SLC25A26: variants seen among roughly 807,000 people sequenced by gnomAD.
SLC25A26 encodes the protein solute carrier family 25 member 26, also known as mitochondrial S-adenosylmethionine carrier protein.
Under a neutral mutation model 37.8 loss-of-function variants are expected in SLC25A26, and 36 were observed. That is an observed-to-expected ratio of 0.95 (90% CI 0.73 to 1.26). The LOEUF (loss-of-function observed/expected upper bound fraction) is 1.26. Ranked by LOEUF, SLC25A26 falls within the 50% of genes most tolerant of loss-of-function variation. The probability of loss-of-function intolerance (pLI) is 0.00; values close to 1 mark genes in which losing one functional copy is unlikely to be tolerated. For missense variants in SLC25A26, 390 were observed against 331.1 expected (o/e 1.18, Z -1.38); for synonymous variants, 129 against 122.5 (o/e 1.05, Z -0.35).
intron 2 of SLC25A26, among the ~76,000 whole-genome samples, chr3:66,237,172 T>G (rs138215920): frequency 6.6e-6 from 1 of 152,182 alleles, no homozygotes; most frequent in Non-Finnish European, 1.5e-5. Context: ...GATAGTGTTA[T>G]AGATTCCATT....
intron 1 of SLC25A26, among the ~76,000 whole-genome samples, chr3:66,157,233 C>T (rs1258658815): frequency 6.6e-6 from 1 of 151,974 alleles, no homozygotes; most frequent in African/African-American, 2.4e-5. Flanking sequence ...GACCCTGTCT[C>T]AAAAGAGAAG....
intron 1 of SLC25A26, among the ~76,000 whole-genome samples, chr3:66,144,342 G>A (rs1453790443): frequency 1.3e-5 from 2 of 152,114 alleles, no homozygotes; most frequent in Non-Finnish European, 2.9e-5. Context: ...GAAGATTTGG[G>A]CCTCTTTTTT....
intron 1 of SLC25A26, among the ~76,000 whole-genome samples, chr3:66,222,872 G>A (rs1472337974): frequency 2.0e-5 from 3 of 152,188 alleles, no homozygotes; most frequent in Non-Finnish European, 4.4e-5. Context: ...CTTAATTAAA[G>A]TATGATACAC....
At chr3:66,210,698 A>C (rs886380125) in intron 1 of SLC25A26, among the ~76,000 whole-genome samples, 13 of 152,106 alleles carry the variant, frequency 8.5e-5, no homozygotes, top group Non-Finnish European at 1.5e-4. Context: ...TTTATTTGTA[A>C]AGATGGGCTT....
chr3:66,268,057 TTGC>T (rs777331276), intron 5 of SLC25A26, among the ~76,000 whole-genome samples: 34 of 152,254 alleles, frequency 2.2e-4, no homozygotes, highest in Admixed American at 4.6e-4. Flanking sequence ...GTATTTTTTG[TTGC>T]TGCTTTCTAA....
chr3:66,208,688 ATGGG>A (rs2071214573), intron 1 of SLC25A26, among the ~76,000 whole-genome samples: 2 of 144,052 alleles, frequency 1.4e-5, no homozygotes, highest in Admixed American at 7.4e-5. Flanking sequence ...ACACATTTAT[ATGGG>A]TATATATATA....
intron 9 of SLC25A26, chr3:66,371,528 A>C (rs1700343294): frequency 3.1e-6 from 4 of 1,277,550 alleles, no homozygotes; most frequent in Non-Finnish European, 4.0e-6. Context: ...GAATGTGACA[A>C]CTCTGAGGGA....
chr3:66,206,126 A>G (rs2071173166), intron 1 of SLC25A26, among the ~76,000 whole-genome samples: 1 of 152,158 alleles, frequency 6.6e-6, no homozygotes, highest in Non-Finnish European at 1.5e-5. Context: ...CAAACTTCCC[A>G]TGGTGCAAGA....
At chr3:66,353,606 T>C (rs1161616249) in intron 6 of SLC25A26, among the ~76,000 whole-genome samples, 1 of 152,244 alleles carries the variant, frequency 6.6e-6, no homozygotes, top group African/African-American at 2.4e-5. Flanking sequence ...AGTCAGCTCA[T>C]TGAAGGCATT....
intron 7 of SLC25A26, among the ~76,000 whole-genome samples, chr3:66,364,460 G>A (rs531410180): frequency 5.9e-5 from 9 of 152,118 alleles, no homozygotes; most frequent in East Asian, 1.9e-4. Flanking sequence ...AGGTGCCCAC[G>A]GCTACACATC....
At chr3:66,277,187 G>A (rs2074181438) in intron 5 of SLC25A26, among the ~76,000 whole-genome samples, 1 of 152,020 alleles carries the variant, frequency 6.6e-6, no homozygotes, top group South Asian at 2.1e-4. Context: ...ACCAGCTCTT[G>A]AGCAGTATTG....
chr3:66,375,497 C>T (rs1157056760), intron 9 of SLC25A26, among the ~76,000 whole-genome samples: 1 of 151,898 alleles, frequency 6.6e-6, no homozygotes, highest in East Asian at 1.9e-4. Flanking sequence ...TTGTTAGGGG[C>T]TAATGCAGCT....
chr3:66,302,244 C>T (rs1250988134), intron 5 of SLC25A26, among the ~76,000 whole-genome samples: 9 of 152,294 alleles, frequency 5.9e-5, no homozygotes, highest in East Asian at 1.9e-4. Context: ...ATTTCAAAGA[C>T]GTGGCCCAAA....
intron 1 of SLC25A26, among the ~76,000 whole-genome samples, chr3:66,140,274 A>G (rs2070014788): frequency 6.6e-6 from 1 of 152,200 alleles, no homozygotes; most frequent in Non-Finnish European, 1.5e-5. Flanking sequence ...TTCTGAACCA[A>G]TGATTAGAGG....
intron 3 of SLC25A26, among the ~76,000 whole-genome samples, chr3:66,246,587 TG>T (rs1463526462): frequency 6.6e-6 from 1 of 152,156 alleles, no homozygotes; most frequent in Non-Finnish European, 1.5e-5. Flanking sequence ...CTGTTAGGCA[TG>T]GGAGGTGGGG....
chr3:66,248,489 A>C (rs1244176784), intron 3 of SLC25A26, among the ~76,000 whole-genome samples: 1 of 152,184 alleles, frequency 6.6e-6, no homozygotes, highest in Non-Finnish European at 1.5e-5. Flanking sequence ...ATAACATTCT[A>C]ATGGTAGTGA....
chr3:66,296,404 T>A (rs2074904459), intron 5 of SLC25A26, among the ~76,000 whole-genome samples: 1 of 152,228 alleles, frequency 6.6e-6, no homozygotes, highest in African/African-American at 2.4e-5. Context: ...TTTATTTTCC[T>A]GATATACATG....
chr3:66,297,328 CAAAAAA>C (rs34315256), intron 5 of SLC25A26, among the ~76,000 whole-genome samples: 3 of 106,418 alleles, frequency 2.8e-5, no homozygotes, highest in Admixed American at 9.4e-5. Context: ...AACTCCATCT[CAAAAAA>C]AAAAAAAAAA....
intron 9 of SLC25A26, among the ~76,000 whole-genome samples, chr3:66,376,571 G>A (rs1271427103): frequency 2.0e-5 from 3 of 152,194 alleles, no homozygotes; most frequent in African/African-American, 7.2e-5. Context: ...ATTAAGGTAT[G>A]TACAATTTTT....
Sources: allele counts gnomAD v4.1 joint callset (sites outside exome capture counted in the v4.1 genomes callset), GRCh38; gene constraint gnomAD v4.1.1; transcripts MANE v1.5; gene names NCBI Gene and HGNC (gene_info 2026-07-23, HGNC 2026-07-21).